GLIS3: variants seen among roughly 807,000 people sequenced by gnomAD.
GLIS3 encodes zinc finger protein GLIS3.
GLIS3 carries 53 observed loss-of-function variants against 78.6 expected under a neutral mutation model. That is an observed-to-expected ratio of 0.67 (90% CI 0.54 to 0.85). The LOEUF (loss-of-function observed/expected upper bound fraction) is 0.85. Ranked by LOEUF, GLIS3 falls within the 40% of genes least tolerant of loss-of-function variation. The pLI, the probability that GLIS3 is intolerant of heterozygous loss-of-function variation, is 0.00. For synonymous variants in GLIS3, 684 were observed against 509.9 expected (o/e 1.34, Z -4.60); for missense variants, 1,703 against 1,231.1 (o/e 1.38, Z -5.74).
the GLIS3 span, among the ~76,000 whole-genome samples, chr9:4,402,679 C>T: frequency 6.6e-6 from 1 of 152,084 alleles, no homozygotes. Flanking sequence ...ATGCAATTGA[C>T]ATGCTGAAAA....
intron 6 of GLIS3, among the ~76,000 whole-genome samples, chr9:3,902,953 A>G (rs1033947427): frequency 6.6e-6 from 1 of 152,184 alleles, no homozygotes; most frequent in African/African-American, 2.4e-5. Context: ...ACAGGAGGAG[A>G]GGATACCTAC....
At chr9:4,035,269 G>C (rs1320026773) in intron 4 of GLIS3, among the ~76,000 whole-genome samples, 4 of 152,068 alleles carry the variant, frequency 2.6e-5, no homozygotes, top group African/African-American at 4.8e-5. Flanking sequence ...CTTGTTAGAA[G>C]ATCCTACAGA....
At chr9:4,189,777 C>T (rs201530035) in intron 2 of GLIS3, among the ~76,000 whole-genome samples, 5 of 152,068 alleles carry the variant, frequency 3.3e-5, no homozygotes, top group Admixed American at 2.0e-4. Flanking sequence ...TTGATCTTTG[C>T]TGGTTTAAAG....
chr9:4,438,929 C>T, the GLIS3 span, among the ~76,000 whole-genome samples: 116 of 152,276 alleles, frequency 7.6e-4, 2 homozygotes, highest in Admixed American at 5.2e-3. Flanking sequence ...CAGACTAATA[C>T]ACATGTTTTG....
intron 2 of GLIS3, among the ~76,000 whole-genome samples, chr9:4,280,305 G>A (rs1017425162): frequency 1.3e-5 from 2 of 152,218 alleles, no homozygotes; most frequent in Non-Finnish European, 2.9e-5. Context: ...CTACAGGTGT[G>A]AGCCACATGC....
At chr9:3,911,422 G>A (rs192766418) in intron 6 of GLIS3, among the ~76,000 whole-genome samples, 4 of 152,284 alleles carry the variant, frequency 2.6e-5, no homozygotes, top group African/African-American at 9.6e-5. Context: ...TCAAGCACTC[G>A]GCTGGCTACC....
chr9:3,870,834 C>G (rs982995580), intron 8 of GLIS3, among the ~76,000 whole-genome samples: 1 of 152,252 alleles, frequency 6.6e-6, no homozygotes, highest in Non-Finnish European at 1.5e-5. Flanking sequence ...CATGTCCTCA[C>G]ATTTCAAAAC....
chr9:4,190,540 C>A (rs1280363740), intron 2 of GLIS3, among the ~76,000 whole-genome samples: 1 of 137,302 alleles, frequency 7.3e-6, no homozygotes, highest in African/African-American at 2.5e-5. Context: ...TGTGAAAAGA[C>A]CAAGTCTACG....
the GLIS3 span, among the ~76,000 whole-genome samples, chr9:4,372,890 C>G: frequency 8.5e-5 from 13 of 152,190 alleles, no homozygotes; most frequent in African/African-American, 2.7e-4. Context: ...ACCATTCTTC[C>G]CCAGCCTCTA....
At chr9:4,092,095 C>A (rs1829559803) in intron 4 of GLIS3, among the ~76,000 whole-genome samples, 2 of 151,818 alleles carry the variant, frequency 1.3e-5, no homozygotes, top group Non-Finnish European at 2.9e-5. Context: ...TACACTAAAT[C>A]TATTAAAAAT....
chr9:3,844,970 T>G (rs1818943442), intron 9 of GLIS3, among the ~76,000 whole-genome samples: 1 of 151,972 alleles, frequency 6.6e-6, no homozygotes. Flanking sequence ...CCTAAAAGAG[T>G]ATGTGTCAAT....
At chr9:4,186,185 T>C (rs1211095256) in intron 2 of GLIS3, among the ~76,000 whole-genome samples, 1 of 131,802 alleles carries the variant, frequency 7.6e-6, no homozygotes, top group East Asian at 2.6e-4. Context: ...AGTGTGATGT[T>C]CCCCTTCCTG....
intron 2 of GLIS3, among the ~76,000 whole-genome samples, chr9:4,164,624 T>C (rs1835741509): frequency 6.6e-6 from 1 of 152,172 alleles, no homozygotes; most frequent in Non-Finnish European, 1.5e-5. Context: ...ATCTTAACCA[T>C]GGCTTTTATC....
chr9:4,433,397 A>T, the GLIS3 span, among the ~76,000 whole-genome samples: 1 of 152,124 alleles, frequency 6.6e-6, no homozygotes, highest in Non-Finnish European at 1.5e-5. Flanking sequence ...GCACCACTTC[A>T]CTCCAGCCTA....
intron 1 of GLIS3, among the ~76,000 whole-genome samples, chr9:4,295,176 C>A (rs949844706): frequency 2.6e-5 from 4 of 152,084 alleles, no homozygotes; most frequent in Non-Finnish European, 5.9e-5. Flanking sequence ...TGAAACCAGG[C>A]ACTTACTTTT....
chr9:4,090,876 T>C (rs574187589), intron 4 of GLIS3, among the ~76,000 whole-genome samples: 13 of 152,322 alleles, frequency 8.5e-5, no homozygotes, highest in African/African-American at 3.1e-4. Flanking sequence ...CAAGAGAAGT[T>C]TCATGCATAG....
chr9:4,060,185 G>T (rs1826527264), intron 4 of GLIS3, among the ~76,000 whole-genome samples: 1 of 152,110 alleles, frequency 6.6e-6, no homozygotes, highest in Non-Finnish European at 1.5e-5. Flanking sequence ...ACTCTCAGTG[G>T]AATTCCCATA....
At chr9:4,191,794 G>C (rs909552462) in intron 2 of GLIS3, among the ~76,000 whole-genome samples, 1 of 152,088 alleles carries the variant, frequency 6.6e-6, no homozygotes, top group African/African-American at 2.4e-5. Flanking sequence ...ACCTGTTCCT[G>C]TACCAAGGTC....
intron 6 of GLIS3, among the ~76,000 whole-genome samples, chr9:3,925,236 T>A (rs890329711): frequency 6.6e-6 from 1 of 152,204 alleles, no homozygotes; most frequent in African/African-American, 2.4e-5. Context: ...AAGTTCCATG[T>A]TCCAGAAGCT....
Sources: allele counts gnomAD v4.1 joint callset (sites outside exome capture counted in the v4.1 genomes callset), GRCh38; gene constraint gnomAD v4.1.1; transcripts MANE v1.5; gene names NCBI Gene and HGNC (gene_info 2026-07-23, HGNC 2026-07-21).